Variants in PCNT observed in about 807,000 individuals in gnomAD.
The protein encoded by PCNT is kendrin.
A neutral mutation model predicts 380.4 loss-of-function variants in PCNT; 319 were observed. The observed-to-expected ratio is 0.84, with a 90% CI of 0.77 to 0.92. The LOEUF (loss-of-function observed/expected upper bound fraction) is 0.92, where lower values mean the gene tolerates loss of function less well. PCNT is among the 40% of genes least tolerant of loss of function. The pLI is 0.00. For synonymous variants in PCNT, 1,845 were observed against 1,735.2 expected, an observed-to-expected ratio of 1.06 and a Z score of -1.57; for missense variants, 4,400 against 4,255.3, an observed-to-expected ratio of 1.03 and a Z score of -0.95.
chr21:46,401,471 GT>G, intron 25 of PCNT, 79 bp from the exon 26 acceptor site: 1 of 1,135,748 alleles, frequency 8.8e-7, no homozygotes, highest in Non-Finnish European at 1.3e-6. Context: ...GCTAAAGATG[GT>G]CTGTGCTTTA....
chr21:46,331,473 G>C (rs1324919877), intron 2 of PCNT, among the ~76,000 whole-genome samples: 1 of 152,196 alleles, frequency 6.6e-6, no homozygotes, highest in East Asian at 1.9e-4. Context: ...TGGAAAAATA[G>C]TTGAAACAAT....
At chr21:46,365,372 CTGCCGTGGGGTTCTGT>C (rs1316021720) in intron 14 of PCNT, among the ~76,000 whole-genome samples, 1 of 146,590 alleles carries the variant, frequency 6.8e-6, no homozygotes, top group Non-Finnish European at 1.5e-5. Context: ...GTTCTGATCA[CTGCCGTGGGGTTCTGT>C]TCACTGCCGT....
At chr21:46,358,710 C>A (rs1452638702) in intron 13 of PCNT, among the ~76,000 whole-genome samples, 1 of 149,642 alleles carries the variant, frequency 6.7e-6, no homozygotes, top group East Asian at 2.0e-4. Context: ...CTGCAACCTT[C>A]ACCTCCTGGC....
rs1259425551 is a variant in PCNT at position 46,367,372 on chromosome 21, A to C, written c.3165+233A>C. Among the ~76,000 whole-genome samples, 4 of 150,484 alleles carry C rather than the reference A, an allele frequency of 2.7e-5. No homozygotes were observed. In the East Asian group the frequency reaches 7.9e-4, roughly 30 times the overall value. On this transcript the variant is annotated intron_variant, in intron 15 of 46. Coordinates refer to ENST00000359568, the MANE Select transcript of PCNT (RefSeq NM_006031.6). ...CGCCAGGCTGGAGTGCAGTGGCGCA[A>C]TCTTGGCTCACTGCAACCTCCGCCT...
Position 46,422,514 on chromosome 21 carries a change from A to T in PCNT, c.7179+390A>T, listed in dbSNP as rs113583312. On this transcript the variant is annotated intron_variant, in intron 32 of 46. Coordinates refer to ENST00000359568, the MANE Select transcript of PCNT (RefSeq NM_006031.6). ...GACTGAGCCGAGTTCTCTTCAGACG[A>T]TGGGAGAGAAGCCACTCAGCCTCCT... Among the ~76,000 whole-genome samples the T allele has an allele frequency of 2.6e-5, 4 of 152,342 alleles. 1 individual carries two copies. Among genetic ancestry groups the T allele is most frequent in the African/African-American group, 9.6e-5 (4 of 41,574 alleles).
intron 16 of PCNT, among the ~76,000 whole-genome samples, chr21:46,382,296 T>C (rs1479854271): frequency 6.8e-6 from 1 of 147,262 alleles, no homozygotes; most frequent in Non-Finnish European, 1.5e-5. Flanking sequence ...TTCATGGTGT[T>C]GTGCATTCAG....
At chr21:46,441,517 C>A (rs918768561) in intron 43 of PCNT, among the ~76,000 whole-genome samples, 5 of 152,144 alleles carry the variant, frequency 3.3e-5, no homozygotes, top group African/African-American at 1.2e-4. Context: ...TTTCAGAGAC[C>A]AGGTGCCGAG....
At position 46,359,616 on chromosome 21, in the gene PCNT, G is replaced by A. The variant is rs1274645143; in HGVS notation, c.2154+2425G>A. Among the ~76,000 whole-genome samples, 5 of 139,060 alleles carry A rather than the reference G, an allele frequency of 3.6e-5. 1 individual carries two copies. Among genetic ancestry groups the A allele is most frequent in the Non-Finnish European group, 7.9e-5 (5 of 62,906 alleles). 91.2% of individuals were successfully genotyped at this position (139,060 alleles called of 152,430 possible). A position where few individuals can be genotyped will look rare whatever the true frequency, so the allele number is the denominator to read the frequency against. On this transcript the variant is annotated intron_variant, in intron 13 of 46. Coordinates refer to ENST00000359568, the MANE Select transcript of PCNT (RefSeq NM_006031.6). ...CGATTCTGCTGCCTCAGCCTCCCGA[G>A]TAGCTGGGACTACAGGCACGTGCCA...
intron 20 of PCNT, 31 bp from the exon 21 acceptor site, chr21:46,391,133 C>CT: frequency 6.5e-7 from 1 of 1,546,726 alleles, no homozygotes; most frequent in South Asian, 1.2e-5. Flanking sequence ...CCAGGACTGG[C>CT]TTTGTCAGAG....
Position 46,430,228 on chromosome 21 carries a change from C to G in PCNT, c.7909C>G (p.Leu2637Val). Residue 2637 changes from leucine to valine, a missense_variant, in exon 36 of 47, where the codon CTG becomes GTG. Coordinates refer to ENST00000359568, the MANE Select transcript of PCNT (RefSeq NM_006031.6). ...LCEVQQEVLQ[L>V]RSMLSSKENE... ...CGAGGTGCAGCAGGAGGTCCTCCAGCTGAGGTGCGCCTGATCCCCCTTCCT... is the reference window on the plus strand; with the variant it reads ...CGAGGTGCAGCAGGAGGTCCTCCAGGTGAGGTGCGCCTGATCCCCCTTCCT... 1 of 1,612,242 alleles carries G rather than the reference C, an allele frequency of 6.2e-7. No homozygotes were observed. The highest frequency in any genetic ancestry group is 8.5e-7 in the Non-Finnish European group (1 of 1,179,242).
At position 46,436,111 on chromosome 21, in the gene PCNT, C is replaced by T. The variant is rs587784322; in HGVS notation, c.8959C>T (p.Arg2987Trp). ...GAGGCAGCGGCTGCTCTCTGCCGCC[C>T]GGCTTCTCACCAGCTTCACCAGCCA... ...AMRQRLLSAARLLTSFTSQAV... is the reference protein window; with the variant it reads ...AMRQRLLSAAWLLTSFTSQAV... The change falls in exon 39 of 47, where the codon CGG becomes TGG. Residue 2987 changes from arginine (R) to tryptophan (W), a missense_variant. Transcript: ENST00000359568. 209 of 1,610,352 alleles carry T rather than the reference C, an allele frequency of 1.3e-4. 1 individual carries two copies. Among genetic ancestry groups the T allele is most frequent in the South Asian group, 5.7e-4 (52 of 91,072 alleles).
At chr21:46,374,587 C>T (rs2085271979) in intron 15 of PCNT, among the ~76,000 whole-genome samples, 1 of 152,136 alleles carries the variant, frequency 6.6e-6, no homozygotes, top group Non-Finnish European at 1.5e-5. Context: ...CAGTGGCTCA[C>T]GCCTGTAATC....
At position 46,402,313 on chromosome 21, in the gene PCNT, CTTTTG is replaced by C. The variant is rs1173956454; in HGVS notation, c.4963-13_4963-9del. 6.5e-7 allele frequency: 1 copy of C among 1,545,218 alleles called. No homozygotes were observed. Among genetic ancestry groups the C allele is most frequent in the African/African-American group, 1.4e-5 (1 of 73,354 alleles). On this transcript the variant is annotated splice_polypyrimidine_tract_variant and intron_variant, in intron 26 of 46. Transcript: ENST00000359568. ...TTAGATGACTTTTAATACTTTTCTT[CTTTTG>C]TTTTAATGAAAGGTTTTGGACTTAA...
In PCNT at chr21:46,349,045, T is replaced by A. The variant is rs1166868703; in HGVS notation, c.1066T>A (p.Leu356Ile). ...GGAAGATTGGGAATCTGAAAAAGAT[T>A]TATGTTTAGAAAATCTACGCAAAGA... Reference protein sequence around the residue: ...LKEDWESEKDLCLENLRKELS... With the variant: ...LKEDWESEKDICLENLRKELS... The change falls in exon 7 of 47, where the codon TTA becomes ATA. Residue 356 changes from leucine to isoleucine, a missense_variant. Coordinates refer to ENST00000359568, the MANE Select transcript of PCNT (RefSeq NM_006031.6). 3 of 1,606,014 alleles carry A rather than the reference T, an allele frequency of 1.9e-6. No individual in the cohort carries two copies. The highest frequency in any genetic ancestry group is 2.7e-5 in the African/African-American group (2 of 74,744).
Position 46,411,730 on chromosome 21 carries a change from C to CCCACTCTGCCGAGCTGGAGGCCGT in PCNT, c.5660_5683dup (p.His1887_Val1894dup). 6.2e-7 allele frequency: 1 copy of CCCACTCTGCCGAGCTGGAGGCCGT among 1,611,996 alleles called. No individual in the cohort carries two copies. Among genetic ancestry groups the CCCACTCTGCCGAGCTGGAGGCCGT allele is most frequent in the Non-Finnish European group, 8.5e-7 (1 of 1,179,808 alleles). The stretch of plus-strand genomic sequence containing the variant: ...GACGCTCTGAACCAGCGGAAGGCGG[C>CCCACTCTGCCGAGCTGGAGGCCGT]CCACTCTGCCGAGCTGGAGGCCGTC... On this transcript the variant is annotated inframe_insertion, in exon 28 of 47. Coordinates refer to ENST00000359568, the MANE Select transcript of PCNT (RefSeq NM_006031.6).
chr21:46,426,033 G>T (rs890315418), intron 33 of PCNT, 62 bp downstream of exon 33: 1 of 1,531,748 alleles, frequency 6.5e-7, no homozygotes, highest in African/African-American at 1.4e-5. Flanking sequence ...GGTAATGGCC[G>T]CGTCCTTAGG....
chr21:46,325,607 T>C (rs548209169), intron 1 of PCNT, among the ~76,000 whole-genome samples: 7 of 152,352 alleles, frequency 4.6e-5, no homozygotes, highest in Admixed American at 2.0e-4. Flanking sequence ...ACTTGTGTTA[T>C]CATTTACACA....
intron 9 of PCNT, 53 bp downstream of exon 9, chr21:46,351,593 T>C: frequency 9.1e-7 from 1 of 1,097,910 alleles, no homozygotes; most frequent in Non-Finnish European, 1.4e-6. Context: ...GCTGTGTGTT[T>C]TTCATTGTTG....
At chr21:46,397,209 G>A in intron 21 of PCNT, 56 bp from the exon 22 acceptor site, 1 of 1,360,504 alleles carries the variant, frequency 7.4e-7, no homozygotes, top group Non-Finnish European at 1.1e-6. Flanking sequence ...CACGTGTCAT[G>A]CACCAGCCTC....
Sources: gnomAD v4.1 joint callset for allele counts (sites outside exome capture counted in the v4.1 genomes callset) on GRCh38, gnomAD v4.1.1 for gene constraint, MANE v1.5 for transcripts, NCBI Gene and HGNC (gene_info 2026-07-23, HGNC 2026-07-21) for gene names.